NDRG2: variants seen among roughly 807,000 people sequenced by gnomAD.
The protein encoded by NDRG2 is protein NDRG2.
A neutral mutation model predicts 58.2 loss-of-function variants in NDRG2; 34 were observed. That is an observed-to-expected ratio of 0.58 (90% CI 0.44 to 0.78). NDRG2 has a LOEUF of 0.78. NDRG2 is among the 30% of genes least tolerant of loss of function. The pLI, the probability that NDRG2 is intolerant of heterozygous loss-of-function variation, is 0.00. For synonymous variants in NDRG2, 187 were observed against 175.9 expected (o/e 1.06, Z -0.50); for missense variants, 434 against 471.2 (o/e 0.92, Z 0.73).
At chr14:21,036,576 C>G (rs1171578891) in intron 1 of NDRG2, among the ~76,000 whole-genome samples, 1 of 152,186 alleles carries the variant, frequency 6.6e-6, no homozygotes, top group Non-Finnish European at 1.5e-5. Flanking sequence ...CAAACTACAT[C>G]TCACAGGACA....
intron 6 of NDRG2, 175 bp downstream of exon 6, chr14:21,021,642 A>C: frequency 1.4e-6 from 1 of 730,572 alleles, no homozygotes; most frequent in Non-Finnish European, 2.3e-6. Context: ...GACTCTGGCC[A>C]ATTTTCCAAA....
At chr14:21,065,661 G>C (rs1330921445) in intron 1 of NDRG2, among the ~76,000 whole-genome samples, 3 of 152,170 alleles carry the variant, frequency 2.0e-5, no homozygotes, top group Non-Finnish European at 4.4e-5. Context: ...AGACCTTTGA[G>C]ACTGTAACAC....
intron 1 of NDRG2, among the ~76,000 whole-genome samples, chr14:21,056,205 C>G (rs1028422964): frequency 6.6e-6 from 1 of 152,152 alleles, no homozygotes; most frequent in East Asian, 1.9e-4. Context: ...AACACACTAT[C>G]GCCGACCTGA....
chr14:21,019,063 C>A, intron 11 of NDRG2, 53 bp downstream of exon 11: 1 of 1,539,882 alleles, frequency 6.5e-7, no homozygotes, highest in Non-Finnish European at 8.8e-7. Context: ...GGGACACAAG[C>A]TCCTAGGGAA....
At chr14:21,060,711 C>G (rs376786192) in intron 1 of NDRG2, among the ~76,000 whole-genome samples, 44 of 152,262 alleles carry the variant, frequency 2.9e-4, no homozygotes, top group African/African-American at 1.0e-3. Context: ...GAACTAAGTT[C>G]ATAATCTGCC....
chr14:21,059,364 T>C (rs547289064), intron 1 of NDRG2, among the ~76,000 whole-genome samples: 14 of 152,248 alleles, frequency 9.2e-5, no homozygotes, highest in South Asian at 8.3e-4. Context: ...TACAATGAAT[T>C]ACTAGAAAAT....
At chr14:21,037,110 G>A (rs1374604570) in intron 1 of NDRG2, among the ~76,000 whole-genome samples, 1 of 128,660 alleles carries the variant, frequency 7.8e-6, no homozygotes, top group Non-Finnish European at 1.6e-5. Context: ...ACCCATCACC[G>A]CTCTTCGCTC....
rs1886643404 is a variant in NDRG2, at chr14:21,070,467, C to T, written c.24+361G>A. 8.1e-6 allele frequency: 11 copies of T among 1,353,706 alleles called. No homozygotes were observed. The South Asian group carries it at 2.1e-4, about 26-fold the overall frequency. 83.9% of individuals were successfully genotyped at this position (1,353,706 alleles called of 1,614,324 possible). On this transcript the variant is annotated intron_variant, in intron 1 of 14. Transcript: ENST00000403829. The surrounding 1 kb of genome is among the most constrained non-coding windows in gnomAD (Gnocchi z 4.7). ...CGCAGCCCGCTCCGGGCCCCCAAGT[C>T]CTCAGCCTGGTGCCTCCCGAGCCTG... is the stretch of plus-strand genomic sequence containing the variant.
At chr14:21,067,807 CT>C (rs1265376038) in intron 1 of NDRG2, among the ~76,000 whole-genome samples, 1 of 151,906 alleles carries the variant, frequency 6.6e-6, no homozygotes, top group African/African-American at 2.4e-5. Context: ...AGCCTGCATT[CT>C]TTGGAGAAAG....
Position 21,022,180 on chromosome 14 carries a change from T to C in NDRG2, c.226A>G (p.Lys76Glu), listed in dbSNP as rs144106083. 3.0e-4 allele frequency: 485 copies of C among 1,614,038 alleles called. No homozygotes were observed. Among genetic ancestry groups the C allele is most frequent in the Non-Finnish European group, 3.5e-4 (411 of 1,180,036 alleles). ...TGAAACAGTGGCTGGAAGCAAGATT[T>C]ATCTAAAGAGAACCCACATCACCTC... ...LTYHDVGLNY[K>E]SCFQPLFQFE... The change falls in exon 5 of 16, where the codon AAA (lysine) becomes GAA (glutamate). Residue 76 changes from lysine (K) to glutamate (E), a missense_variant and splice_region_variant. Transcript: ENST00000556147.
upstream of NDRG2, among the ~76,000 whole-genome samples, chr14:21,027,563 T>C (rs904238956): frequency 6.6e-6 from 1 of 152,164 alleles, no homozygotes; most frequent in Non-Finnish European, 1.5e-5. Context: ...CCCCACATAA[T>C]AGGTATAGTA....
chr14:21,059,040 C>T (rs1885815395), intron 1 of NDRG2, among the ~76,000 whole-genome samples: 1 of 152,226 alleles, frequency 6.6e-6, no homozygotes, highest in Admixed American at 6.5e-5. Context: ...CCTCCAGCCC[C>T]TTGAGGGCTC....
intron 1 of NDRG2, among the ~76,000 whole-genome samples, chr14:21,063,228 G>GTGTA (rs1277968913): frequency 6.6e-6 from 1 of 152,298 alleles, no homozygotes; most frequent in African/African-American, 2.4e-5. Context: ...ATGTGTGTGT[G>GTGTA]TGTATGTGTG....
intron 1 of NDRG2, chr14:21,058,317 G>C (rs1885777841): frequency 6.2e-7 from 1 of 1,613,334 alleles, no homozygotes; most frequent in South Asian, 1.1e-5. Context: ...GGTGACCCAG[G>C]GTACCCACTT....
intron 1 of NDRG2, among the ~76,000 whole-genome samples, chr14:21,037,999 A>G (rs905027660): frequency 1.8e-4 from 28 of 152,282 alleles, no homozygotes; most frequent in African/African-American, 6.0e-4. Flanking sequence ...CCATGATCTC[A>G]TTGGCATTAT....
At position 21,019,951 on chromosome 14, in the gene NDRG2, G is replaced by A. The variant is rs374990813; in HGVS notation, c.581C>T (p.Pro194Leu). 51 of 1,613,828 alleles carry A rather than the reference G, an allele frequency of 3.2e-5. No individual in the cohort carries two copies. The highest frequency in any genetic ancestry group is 4.1e-5 in the Non-Finnish European group (48 of 1,180,016). ...GAAAAGATGTCCAAGGATCATCTCC[G>A]GAATGGAAGAGGTGAGGCCTGTTAG... is the stretch of plus-strand genomic sequence containing the variant. ...HKLTGLTSSI[P>L]EMILGHLFSQ... Residue 194 changes from proline (P) to leucine (L), a missense_variant, in exon 9 of 16, where the codon CCG becomes CTG. By Grantham distance (98) the Pro-to-Leu change is moderately conservative. Coordinates refer to ENST00000556147, the MANE Select transcript of NDRG2 (RefSeq NM_001320329.2).
chr14:21,053,367 C>A (rs753235592), intron 1 of NDRG2, among the ~76,000 whole-genome samples: 1 of 152,160 alleles, frequency 6.6e-6, no homozygotes, highest in Non-Finnish European at 1.5e-5. Flanking sequence ...GTGGCTGACA[C>A]CTGTCATCCC....
intron 2 of NDRG2, 52 bp downstream of exon 2, chr14:21,023,189 G>GA (rs1392405129): frequency 6.8e-7 from 1 of 1,476,582 alleles, no homozygotes; most frequent in African/African-American, 1.4e-5. Flanking sequence ...AGGCAAGGGG[G>GA]ATGCTTAGAG....
intron 10 of NDRG2, 133 bp downstream of exon 10, chr14:21,019,506 T>G: frequency 1.5e-6 from 1 of 654,026 alleles, no homozygotes; most frequent in South Asian, 1.9e-5. Flanking sequence ...CTGCCCCCAT[T>G]GCACACTAAA....
Sources: allele counts gnomAD v4.1 joint callset (sites outside exome capture counted in the v4.1 genomes callset), GRCh38; gene constraint gnomAD v4.1.1; non-coding constraint Gnocchi (gnomAD v3.1); transcripts MANE v1.5; gene names NCBI Gene and HGNC (gene_info 2026-07-23, HGNC 2026-07-21).